Variants in FSTL5 observed in about 807,000 individuals in gnomAD.
FSTL5 encodes follistatin like 5, also known as follistatin-related protein 5.
FSTL5 carries 62 observed loss-of-function variants against 89.1 expected under a neutral mutation model. The observed-to-expected ratio is 0.70, with a 90% confidence interval of 0.57 to 0.86. The LOEUF (loss-of-function observed/expected upper bound fraction) is 0.86. Ranked by LOEUF, FSTL5 falls within the 40% of genes least tolerant of loss-of-function variation. The pLI is 0.00. For missense variants in FSTL5, 1,057 were observed against 1,001.6 expected, an observed-to-expected ratio of 1.06 and a Z score of -0.75; for synonymous variants, 383 against 346.2, an observed-to-expected ratio of 1.11 and a Z score of -1.18.
At chr4:161,533,718 A>C (rs562873773) in intron 10 of FSTL5, among the ~76,000 whole-genome samples, 1 of 152,256 alleles carries the variant, frequency 6.6e-6, no homozygotes, top group Non-Finnish European at 1.5e-5. Flanking sequence ...TCTCTAACTT[A>C]TTCTATGAAG....
At chr4:161,479,576 G>T (rs1220636259) in intron 13 of FSTL5, among the ~76,000 whole-genome samples, 1 of 152,046 alleles carries the variant, frequency 6.6e-6, no homozygotes, top group African/African-American at 2.4e-5. Context: ...GAAATAAAAA[G>T]CCAATCTAGT....
chr4:161,449,154 A>C (rs1238506204), intron 15 of FSTL5, among the ~76,000 whole-genome samples: 1 of 152,088 alleles, frequency 6.6e-6, no homozygotes, highest in Non-Finnish European at 1.5e-5. Context: ...AAATATCTCT[A>C]TTCATCTTAC....
chr4:161,396,118 T>C (rs1216640814), intron 15 of FSTL5, among the ~76,000 whole-genome samples: 1 of 121,908 alleles, frequency 8.2e-6, no homozygotes, highest in African/African-American at 2.7e-5. Flanking sequence ...GGATCATTGA[T>C]CATAAAAAAA....
At chr4:161,599,617 T>C (rs868548788) in intron 7 of FSTL5, among the ~76,000 whole-genome samples, 65 of 150,644 alleles carry the variant, frequency 4.3e-4, no homozygotes, top group African/African-American at 1.5e-3. Context: ...GTTTTAAATA[T>C]ATGCAGAGTC....
At chr4:161,860,904 CT>C (rs1210819944) in intron 4 of FSTL5, among the ~76,000 whole-genome samples, 2 of 151,328 alleles carry the variant, frequency 1.3e-5, no homozygotes, top group East Asian at 3.9e-4. Context: ...CTTTTCACCC[CT>C]CTCTCTCTCA....
At chr4:162,033,554 T>A in intron 3 of FSTL5, 71 bp downstream of exon 3, 1 of 758,006 alleles carries the variant, frequency 1.3e-6, no homozygotes. Flanking sequence ...TTATTCAAAG[T>A]AGCATCACAT....
chr4:161,727,518 C>T (rs1465778300), intron 6 of FSTL5, among the ~76,000 whole-genome samples: 1 of 152,220 alleles, frequency 6.6e-6, no homozygotes, highest in African/African-American at 2.4e-5. Flanking sequence ...ACCATTTCAC[C>T]TTAGTCATTT....
intron 6 of FSTL5, among the ~76,000 whole-genome samples, chr4:161,757,940 T>C (rs1311622679): frequency 6.6e-6 from 1 of 152,128 alleles, no homozygotes; most frequent in Non-Finnish European, 1.5e-5. Flanking sequence ...CATTTTATCA[T>C]TTTTGAAAAG....
intron 15 of FSTL5, among the ~76,000 whole-genome samples, chr4:161,441,091 T>A (rs1013581155): frequency 6.6e-6 from 1 of 152,122 alleles, no homozygotes; most frequent in Non-Finnish European, 1.5e-5. Context: ...TGTTACAGGA[T>A]GTTTTTTCTC....
chr4:161,468,244 A>ATT (rs35455811), intron 13 of FSTL5, among the ~76,000 whole-genome samples: 7 of 143,170 alleles, frequency 4.9e-5, no homozygotes, highest in Non-Finnish European at 7.6e-5. Flanking sequence ...AAGTGCCTAC[A>ATT]TTTTTTTTTT....
chr4:162,037,703 G>A (rs1737795993), intron 2 of FSTL5, among the ~76,000 whole-genome samples: 1 of 151,832 alleles, frequency 6.6e-6, no homozygotes, highest in South Asian at 2.1e-4. Flanking sequence ...TTGGAGAAGG[G>A]AAACTAGTAA....
intron 6 of FSTL5, among the ~76,000 whole-genome samples, chr4:161,756,317 T>G (rs575192750): frequency 6.6e-6 from 1 of 152,172 alleles, no homozygotes; most frequent in Non-Finnish European, 1.5e-5. Context: ...TAACGTCTCT[T>G]TATGACTATT....
At chr4:162,035,789 T>C (rs374000937) in intron 2 of FSTL5, among the ~76,000 whole-genome samples, 10 of 152,088 alleles carry the variant, frequency 6.6e-5, no homozygotes, top group African/African-American at 2.4e-4. Flanking sequence ...GTAATTCAGG[T>C]GGGCTGTGAC....
chr4:161,870,529 G>A (rs942843147), intron 4 of FSTL5, among the ~76,000 whole-genome samples: 1 of 152,036 alleles, frequency 6.6e-6, no homozygotes, highest in Non-Finnish European at 1.5e-5. Flanking sequence ...CATGAATGCA[G>A]GAATATTTTT....
At chr4:162,066,353 CTCCTTCTTCTTCTTCTTCTCCTT>C (rs1738909090) in intron 2 of FSTL5, among the ~76,000 whole-genome samples, 2 of 127,296 alleles carry the variant, frequency 1.6e-5, no homozygotes, top group African/African-American at 6.1e-5. Context: ...TCTTCTTCTT[CTCCTTCTTCTTCTTCTTCTCCTT>C]CTTCTTCTTC....
intron 12 of FSTL5, among the ~76,000 whole-genome samples, chr4:161,496,129 A>G (rs2126477649): frequency 6.6e-6 from 1 of 152,322 alleles, no homozygotes; most frequent in South Asian, 2.1e-4. Context: ...TTAAACTTAG[A>G]GAATGCATAA....
chr4:161,704,266 G>A (rs1440865979), intron 6 of FSTL5, among the ~76,000 whole-genome samples: 1 of 151,958 alleles, frequency 6.6e-6, no homozygotes, highest in Non-Finnish European at 1.5e-5. Context: ...GAGTTGTCCC[G>A]CCTTTCCAGA....
Position 161,385,476 on chromosome 4 carries a change from C to T in FSTL5, c.*271G>A. On this transcript the variant is annotated 3_prime_UTR_variant, in exon 16 of 16. Transcript: ENST00000306100. The stretch of plus-strand genomic sequence containing the variant: ...AGTTTTTTAAATGATTTAAATCCTA[C>T]TTTATTGTTTAAAGCATAATTTACA... 1 of 330,522 alleles carries T rather than the reference C, an allele frequency of 3.0e-6. No homozygotes were observed. The highest frequency in any genetic ancestry group is 4.4e-5 in the Admixed American group (1 of 22,982). The allele number at this position is 330,522 out of a possible 1,614,324, so 20.5% of individuals were successfully genotyped here. A position where few individuals can be genotyped will look rare whatever the true frequency, so the allele number is the denominator to read the frequency against.
At chr4:161,875,438 A>G (rs1732411659) in intron 4 of FSTL5, among the ~76,000 whole-genome samples, 1 of 152,026 alleles carries the variant, frequency 6.6e-6, no homozygotes, top group African/African-American at 2.4e-5. Flanking sequence ...ACTTCTCTTC[A>G]TCTTCCGGTT....
Sources: allele counts gnomAD v4.1 joint callset (sites outside exome capture counted in the v4.1 genomes callset), GRCh38; gene constraint gnomAD v4.1.1; transcripts MANE v1.5; gene names NCBI Gene and HGNC (gene_info 2026-07-23, HGNC 2026-07-21).